The following GALNT18 variants were observed in gnomAD, a reference collection of about 807,000 sequenced individuals.
The protein encoded by GALNT18 is polypeptide N-acetylgalactosaminyltransferase 18, also known as GalNAc-transferase 18.
GALNT18 carries 44 observed loss-of-function variants against 69.5 expected under a neutral mutation model. The ratio of observed to expected loss-of-function variants is 0.63; its 90% CI spans 0.50 to 0.81. GALNT18 has a LOEUF of 0.81. GALNT18 is among the 40% of genes least tolerant of loss of function. The pLI is 0.00. For synonymous variants in GALNT18, 364 were observed against 318.2 expected, an observed-to-expected ratio of 1.14 and a Z score of -1.53; for missense variants, 715 against 810.0, an observed-to-expected ratio of 0.88 and a Z score of 1.42.
At chr11:11,549,290 G>A (rs1858136258) in intron 1 of GALNT18, among the ~76,000 whole-genome samples, 1 of 152,194 alleles carries the variant, frequency 6.6e-6, no homozygotes, top group Non-Finnish European at 1.5e-5. Flanking sequence ...CTTAACTCCA[G>A]CCTTCTTGAA....
In GALNT18 at chr11:11,432,441, A is replaced by G. The variant is rs557204199; in HGVS notation, c.595+180T>C. ...AGGACCAGACCCCTCTGGGATGCAG[A>G]GGCCATGCTCAGACGGAGTGAACCT... is the stretch of plus-strand genomic sequence containing the variant. On this transcript the variant is annotated intron_variant, in intron 3 of 10. Transcript: ENST00000227756. The surrounding 1 kb of genome is among the most constrained non-coding windows in gnomAD (Gnocchi z 5.8). 6.6e-6 allele frequency among the ~76,000 whole-genome samples: 1 copy of G among 152,336 alleles called. No individual in the cohort carries two copies. Among genetic ancestry groups the G allele is most frequent in the African/African-American group, 2.4e-5 (1 of 41,582 alleles).
intron 6 of GALNT18, among the ~76,000 whole-genome samples, chr11:11,366,833 T>G (rs887845804): frequency 1.3e-4 from 20 of 152,314 alleles, no homozygotes; most frequent in Admixed American, 5.9e-4. Flanking sequence ...GCTATTGGTA[T>G]TTTGCCAGGG....
chr11:11,386,309 T>G (rs1036346123), intron 3 of GALNT18, among the ~76,000 whole-genome samples: 1 of 152,152 alleles, frequency 6.6e-6, no homozygotes, highest in Non-Finnish European at 1.5e-5. Context: ...GGTATTAGCT[T>G]TCTTCTCTTC....
At chr11:11,391,082 C>A (rs1372525922) in intron 3 of GALNT18, among the ~76,000 whole-genome samples, 1 of 152,194 alleles carries the variant, frequency 6.6e-6, no homozygotes, top group Non-Finnish European at 1.5e-5. Context: ...AGCTTTCACC[C>A]TCTGTCCTGC....
At position 11,352,796 on chromosome 11, in the gene GALNT18, G is replaced by A. The variant is rs776356235; in HGVS notation, c.1093-11792C>T. 3.7e-6 allele frequency: 6 copies of A among 1,614,132 alleles called. No homozygotes were observed. In the South Asian group the frequency reaches 6.6e-5, roughly 18 times the overall value. On this transcript the variant is annotated intron_variant, in intron 6 of 10. Coordinates refer to ENST00000227756, the MANE Select transcript of GALNT18 (RefSeq NM_198516.3). ...TTACGTGTTCAAAAACCAAGGCGGG[G>A]GTTCGTGACACAGGGTCTTTTACAA...
rs1467996977 is a variant in GALNT18, at chr11:11,500,834, C to T, written c.236-51898G>A. 1.3e-5 allele frequency among the ~76,000 whole-genome samples: 2 copies of T among 152,230 alleles called. No individual in the cohort carries two copies. Among genetic ancestry groups the T allele is most frequent in the African/African-American group, 4.8e-5 (2 of 41,458 alleles). On this transcript the variant is annotated intron_variant, in intron 1 of 10. Transcript: ENST00000227756. The surrounding 1 kb of genome is among the most constrained non-coding windows in gnomAD (Gnocchi z 5.0). ...TAAAAAGGCCGGGCACAGCACCAGG[C>T]TCTCCCCAAACCTGGGAGTTCCTTT...
rs946214244 is a variant in GALNT18, at chr11:11,540,015, C to T, written c.235+81344G>A. ...GGAAATGAGGGGAGACGGAGCTGCA[C>T]AGGGGACCCCGATGCCAGTCCGGCA... On this transcript the variant is annotated intron_variant, in intron 1 of 10. Coordinates refer to ENST00000227756, the MANE Select transcript of GALNT18 (RefSeq NM_198516.3). The surrounding 1 kb of genome is among the most constrained non-coding windows in gnomAD (Gnocchi z 4.6). 1.3e-5 allele frequency among the ~76,000 whole-genome samples: 2 copies of T among 152,222 alleles called. No homozygotes were observed.
In GALNT18 at chr11:11,513,329, C is replaced by A. The variant is rs1428606177; in HGVS notation, c.236-64393G>T. On this transcript the variant is annotated intron_variant, in intron 1 of 10. Transcript: ENST00000227756. ...AATTAGCACAGTGCTTGGCACATTG[C>A]AGAGGGTTGATAAACATCAGTTGAC... is the stretch of plus-strand genomic sequence containing the variant. 2.0e-5 allele frequency among the ~76,000 whole-genome samples: 3 copies of A among 152,212 alleles called. No homozygotes were observed. The East Asian group carries it at 5.8e-4, about 29-fold the overall frequency.
Position 11,402,455 on chromosome 11 carries a change from T to C in GALNT18, c.596-23191A>G, listed in dbSNP as rs1325344262. Among the ~76,000 whole-genome samples, 1 of 152,264 alleles carries C rather than the reference T, an allele frequency of 6.6e-6. No homozygotes were observed. The highest frequency in any genetic ancestry group is 1.5e-5 in the Non-Finnish European group (1 of 68,046). ...TGGTGGGTGGCTTCCTCTGATCTGC[T>C]GCCATGCTGGGCAGAACTTTTCAGC... On this transcript the variant is annotated intron_variant, in intron 3 of 10. Transcript: ENST00000227756. This position sits in a 1 kb window ranked among gnomAD's most constrained non-coding sequence, Gnocchi z 4.0.
intron 2 of GALNT18, among the ~76,000 whole-genome samples, chr11:11,447,345 G>C (rs1564953894): frequency 6.6e-6 from 1 of 151,910 alleles, no homozygotes; most frequent in Non-Finnish European, 1.5e-5. Flanking sequence ...TGTCCCAGGT[G>C]TCTCTCTCTC....
rs79540690 is a variant in GALNT18 at position 11,284,962 on chromosome 11, C to T, written c.1677+8067G>A. ...TTGGGCGTTCTCTTTCTTAGTCTCA[C>T]CTTTGCCTGAGTGAGATTCTGCCCA... is the stretch of plus-strand genomic sequence containing the variant. On this transcript the variant is annotated intron_variant, in intron 10 of 10. Coordinates refer to ENST00000227756, the MANE Select transcript of GALNT18 (RefSeq NM_198516.3). 0.018 allele frequency among the ~76,000 whole-genome samples: 1,973 copies of T among 111,812 alleles called. 190 individuals are homozygous for T. In the East Asian group the frequency reaches 0.23, roughly 13 times the overall value. 73.4% of individuals were successfully genotyped at this position (111,812 alleles called of 152,430 possible).
chr11:11,319,051 GT>G (rs1849800054), intron 9 of GALNT18, among the ~76,000 whole-genome samples: 1 of 134,222 alleles, frequency 7.5e-6, no homozygotes, highest in African/African-American at 3.3e-5. Flanking sequence ...TTTAGAAAAT[GT>G]CTACAGATAC....
At chr11:11,427,239 C>T (rs1471446876) in intron 3 of GALNT18, among the ~76,000 whole-genome samples, 1 of 152,198 alleles carries the variant, frequency 6.6e-6, no homozygotes, top group East Asian at 1.9e-4. Flanking sequence ...ACATAACGGC[C>T]ACTTACAGAG....
chr11:11,381,858 G>A (rs2133696563), intron 3 of GALNT18, among the ~76,000 whole-genome samples: 1 of 152,256 alleles, frequency 6.6e-6, no homozygotes, highest in African/African-American at 2.4e-5. Flanking sequence ...CAGGATTCTG[G>A]GCCAATGGAT....
At chr11:11,519,072 G>A (rs1857340579) in intron 1 of GALNT18, among the ~76,000 whole-genome samples, 1 of 152,192 alleles carries the variant, frequency 6.6e-6, no homozygotes, top group Non-Finnish European at 1.5e-5. Context: ...AGCAGTACTA[G>A]GTGCAATCGA....
chr11:11,429,308 C>T (rs1048777604), intron 3 of GALNT18, among the ~76,000 whole-genome samples: 3 of 152,214 alleles, frequency 2.0e-5, no homozygotes, highest in African/African-American at 4.8e-5. Flanking sequence ...CACCTGCTAA[C>T]GCTCTTCCTC....
chr11:11,521,235 G>A (rs1405678548), intron 1 of GALNT18, among the ~76,000 whole-genome samples: 2 of 152,046 alleles, frequency 1.3e-5, no homozygotes, highest in South Asian at 2.1e-4. Flanking sequence ...GTTCTCTAAG[G>A]ATCTTAAAGA....
chr11:11,609,126 A>G (rs544552565), intron 1 of GALNT18, among the ~76,000 whole-genome samples: 35 of 152,344 alleles, frequency 2.3e-4, no homozygotes, highest in African/African-American at 6.7e-4. Context: ...GCCCAAGAGA[A>G]GTACCCAGGA....
rs184537947 is a variant in GALNT18, at chr11:11,309,469, C to T, written c.1513-16276G>A. Among the ~76,000 whole-genome samples, 11 of 151,806 alleles carry T rather than the reference C, an allele frequency of 7.2e-5. No individual in the cohort carries two copies. The highest frequency in any genetic ancestry group is 3.9e-4 in the East Asian group (2 of 5,180). ...TCCTGACCTCTCCCTAGAAATGCTG[C>T]GCCCAATTTTTAATAATGGCACTCT... On this transcript the variant is annotated intron_variant, in intron 9 of 10. Coordinates refer to ENST00000227756, the MANE Select transcript of GALNT18 (RefSeq NM_198516.3). This position sits in a 1 kb window ranked among gnomAD's most constrained non-coding sequence, Gnocchi z 4.6.
Sources: gnomAD v4.1 joint callset for allele counts (sites outside exome capture counted in the v4.1 genomes callset) on GRCh38, gnomAD v4.1.1 for gene constraint, Gnocchi (gnomAD v3.1) non-coding constraint, MANE v1.5 for transcripts, NCBI Gene and HGNC (gene_info 2026-07-23, HGNC 2026-07-21) for gene names.